The following GTPBP6 variants were observed in gnomAD, a reference collection of about 807,000 sequenced individuals.
GTPBP6 encodes putative GTP-binding protein 6.
GTPBP6 carries 33 observed loss-of-function variants against 28.9 expected under a neutral mutation model. The observed-to-expected ratio is 1.14, with a 90% confidence interval of 0.87 to 1.53. The LOEUF (loss-of-function observed/expected upper bound fraction) is 1.53, where lower values mean the gene tolerates loss of function less well. GTPBP6 is among the 40% of genes most tolerant of loss of function. The probability of loss-of-function intolerance (pLI) is 0.00; values close to 1 mark genes in which losing one functional copy is unlikely to be tolerated. For synonymous variants in GTPBP6, 231 were observed against 192.7 expected, an observed-to-expected ratio of 1.20 and a Z score of -1.65; for missense variants, 507 against 408.3, an observed-to-expected ratio of 1.24 and a Z score of -2.08.
At chrX:305,827 T>G (rs1194947705) in intron 9 of GTPBP6, among the ~76,000 whole-genome samples, 5 of 152,056 alleles carry the variant, frequency 3.3e-5, no homozygotes, top group Non-Finnish European at 7.4e-5. Context: ...GGTTTCACCG[T>G]GTTAGCCAGG....
At chrX:314,836 AG>A (rs1275572158) in intron 4 of GTPBP6, 53 bp downstream of exon 4, 1 of 400,326 alleles carries the variant, frequency 2.5e-6, no homozygotes, top group African/African-American at 2.1e-5. Flanking sequence ...TACAGAACGG[AG>A]GGGTTCCGGG....
At chrX:314,095 C>T (rs375028826) in intron 5 of GTPBP6, 55 bp downstream of exon 5, 97 of 1,344,136 alleles carry the variant, frequency 7.2e-5, no homozygotes, top group African/African-American at 6.1e-4. Flanking sequence ...GGGTGGCTGC[C>T]GCTGACAACC....
At chrX:317,569 T>TGGGGGGTG (rs1187572118) in intron 1 of GTPBP6, among the ~76,000 whole-genome samples, 98 of 117,654 alleles carry the variant, frequency 8.3e-4, no homozygotes, top group Middle Eastern at 0.011. Context: ...GGGTGGGGGG[T>TGGGGGGTG]GGGACTAGAC....
At chrX:315,740 CAG>C (rs2070423303) in intron 2 of GTPBP6, among the ~76,000 whole-genome samples, 7 of 25,068 alleles carry the variant, frequency 2.8e-4, no homozygotes, top group Admixed American at 4.6e-4. Context: ...GACACACACA[CAG>C]ACACATACAC....
At chrX:307,637 C>T (rs901381597) in intron 8 of GTPBP6, 95 bp downstream of exon 8, 19 of 1,420,798 alleles carry the variant, frequency 1.3e-5, no homozygotes, top group African/African-American at 1.0e-4. Context: ...TGACTGCCAC[C>T]GCTGCGGTTC....
At chrX:313,206 G>A (rs940086103) in intron 5 of GTPBP6, among the ~76,000 whole-genome samples, 18 of 152,246 alleles carry the variant, frequency 1.2e-4, no homozygotes, top group African/African-American at 2.4e-4. Context: ...GGAGGCCTCC[G>A]AGCGGGACAC....
chrX:306,634 T>C (rs1295844618), intron 9 of GTPBP6, among the ~76,000 whole-genome samples: 3 of 150,064 alleles, frequency 2.0e-5, no homozygotes, highest in Non-Finnish European at 4.4e-5. Flanking sequence ...ACATTTTGAC[T>C]GTCAGCACAG....
chrX:306,209 T>G (rs1334666246), intron 9 of GTPBP6, among the ~76,000 whole-genome samples: 2 of 152,098 alleles, frequency 1.3e-5, no homozygotes, highest in Non-Finnish European at 2.9e-5. Context: ...AATGTACATT[T>G]TGACTGTCAA....
intron 1 of GTPBP6, among the ~76,000 whole-genome samples, chrX:318,121 T>G (rs2070474334): frequency 6.8e-6 from 1 of 147,364 alleles, no homozygotes; most frequent in Admixed American, 6.7e-5. Context: ...TCTCCACCTA[T>G]GAGATTCTCA....
chrX:314,939 T>G, exon 4 of GTPBP6: 1 of 398,734 alleles, frequency 2.5e-6, no homozygotes, highest in Non-Finnish European at 4.4e-6. Context: ...GCCTCCTTCG[T>G]GCGGGCGTTA....
chrX:315,130 C>G (rs1373545899), intron 3 of GTPBP6, 99 bp downstream of exon 3: 5 of 398,020 alleles, frequency 1.3e-5, no homozygotes, highest in African/African-American at 2.1e-5. Flanking sequence ...GTGTCCCCAT[C>G]TGTCCCCATC....
At chrX:309,036 G>C (rs1165631107) in intron 7 of GTPBP6, among the ~76,000 whole-genome samples, 2 of 152,118 alleles carry the variant, frequency 1.3e-5, no homozygotes, top group African/African-American at 4.8e-5. Flanking sequence ...ATAATTTATT[G>C]TCGGGAGGAG....
In GTPBP6 at chrX:305,338, T is replaced by C. The variant is rs1485932104; in HGVS notation, c.1428-141A>G. 9 of 707,646 alleles carry C rather than the reference T, an allele frequency of 1.3e-5. No homozygotes were observed. The East Asian group carries it at 2.4e-4, about 19-fold the overall frequency. The allele number at this position is 707,646 out of a possible 1,614,324, so 43.8% of individuals were successfully genotyped here. On this transcript the variant is annotated intron_variant, in intron 9 of 9. Transcript: ENST00000326153. ...TGTTTCCTTTTGTTTTTTTTTTTTT[T>C]TGAGACGGAGTCTCACTCTGTCGCG...
At chrX:305,374 T>C (rs905989577) in intron 9 of GTPBP6, among the ~76,000 whole-genome samples, 177 bp from the exon 10 acceptor site, 1 of 147,362 alleles carries the variant, frequency 6.8e-6, no homozygotes, top group Non-Finnish European at 1.5e-5. Context: ...TAGGCTGGAG[T>C]GCAGTGGCGC....
chrX:305,418 T>G (rs1401352155), intron 9 of GTPBP6, among the ~76,000 whole-genome samples: 2 of 147,754 alleles, frequency 1.4e-5, no homozygotes, highest in African/African-American at 2.6e-5. Context: ...ACCTCCCGGG[T>G]TCAAGTGATT....
chrX:308,796 G>T (rs1021296457), intron 7 of GTPBP6, among the ~76,000 whole-genome samples: 4 of 146,594 alleles, frequency 2.7e-5, no homozygotes, highest in Non-Finnish European at 5.9e-5. Flanking sequence ...GTGCAGTGGC[G>T]CGATCTCAGC....
Position 314,195 on chromosome X carries a change from C to T in GTPBP6, c.712G>A (p.Ala238Thr), listed in dbSNP as rs187265129. Residue 238 changes from alanine (A) to threonine (T), a missense_variant, in exon 5 of 10, where the codon GCC (alanine) becomes ACC (threonine). By Grantham distance (58) the Ala-to-Thr change is moderately conservative (BLOSUM62 0). Coordinates refer to ENST00000326153, the Ensembl canonical transcript of GTPBP6. ...GAGCCGACTCCTCGGTACAGGTGGG[C>T]GACGTCCCTTTTCAAGTTCGACCTG... 748 of 1,613,222 alleles carry T rather than the reference C, an allele frequency of 4.6e-4. 2 individuals carry two copies. The African/African-American group carries it at 8.4e-3, about 18-fold the overall frequency.
At chrX:317,979 C>T (rs1455991738) in intron 1 of GTPBP6, among the ~76,000 whole-genome samples, 3 of 147,724 alleles carry the variant, frequency 2.0e-5, no homozygotes, top group Admixed American at 6.8e-5. Context: ...AAGCTCTTCC[C>T]CTCAGAGCCC....
chrX:304,769 G>C (rs2070117365), exon 10 of GTPBP6: 14 of 1,269,478 alleles, frequency 1.1e-5, no homozygotes, highest in Non-Finnish European at 1.4e-5. Context: ...TAAAATCAAA[G>C]GTTTAATGTC....
Sources: allele counts gnomAD v4.1 joint callset (sites outside exome capture counted in the v4.1 genomes callset), GRCh38; gene constraint gnomAD v4.1.1; transcripts MANE v1.5; gene names NCBI Gene and HGNC (gene_info 2026-07-23, HGNC 2026-07-21).